The following GOLPH3 variants were observed in gnomAD, a reference collection of about 807,000 sequenced individuals.
GOLPH3 encodes coat protein GPP34.
GOLPH3 carries 14 observed loss-of-function variants against 28.5 expected under a neutral mutation model. That is an observed-to-expected ratio of 0.49 (90% CI 0.32 to 0.77). The LOEUF (loss-of-function observed/expected upper bound fraction) is 0.77, where lower values mean the gene tolerates loss of function less well. Among genes scored for constraint, GOLPH3 ranks in the 30% least tolerant of loss-of-function variants. The pLI is 0.03. For missense variants in GOLPH3, 350 were observed against 393.7 expected (o/e 0.89, Z 0.94); for synonymous variants, 158 against 159.2 (o/e 0.99, Z 0.06).
rs1476324722 is a variant in GOLPH3, at chr5:32,151,397, A to G, written c.226-7517T>C. Among the ~76,000 whole-genome samples the G allele has an allele frequency of 2.6e-5, 4 of 152,290 alleles. No homozygotes were observed. The South Asian group carries it at 8.3e-4, about 32-fold the overall frequency. On this transcript the variant is annotated intron_variant, in intron 1 of 3. Transcript: ENST00000265070. Reference sequence around the variant, plus strand: ...TAAAATTAGCTGGGTGCGATAGCACATGCCTGTAGACCTAGCTACTCGGGA... The same window carrying G: ...TAAAATTAGCTGGGTGCGATAGCACGTGCCTGTAGACCTAGCTACTCGGGA...
chr5:32,140,655 C>T (rs897605647), intron 2 of GOLPH3, among the ~76,000 whole-genome samples: 3 of 146,894 alleles, frequency 2.0e-5, no homozygotes, highest in African/African-American at 7.8e-5. Context: ...TAGAGTGACA[C>T]TCAGTCTCAG....
intron 1 of GOLPH3, among the ~76,000 whole-genome samples, chr5:32,170,857 C>T (rs761134275): frequency 6.6e-6 from 1 of 151,874 alleles, no homozygotes; most frequent in Non-Finnish European, 1.5e-5. Flanking sequence ...TACAAAATCC[C>T]AGTAGTCTCA....
At chr5:32,134,488 A>G (rs1175461770) in intron 3 of GOLPH3, among the ~76,000 whole-genome samples, 1 of 151,560 alleles carries the variant, frequency 6.6e-6, no homozygotes, top group Non-Finnish European at 1.5e-5. Context: ...GGATTACAGT[A>G]ATGAGCCACC....
Position 32,151,431 on chromosome 5 carries a change from G to A in GOLPH3, c.226-7551C>T, listed in dbSNP as rs555243948. Among the ~76,000 whole-genome samples, 5 of 152,262 alleles carry A rather than the reference G, an allele frequency of 3.3e-5. No homozygotes were observed. The South Asian group carries it at 6.2e-4, about 19-fold the overall frequency. On this transcript the variant is annotated intron_variant, in intron 1 of 3. Transcript: ENST00000265070. ...GACCTAGCTACTCGGGAGGACTTGA[G>A]CCTGGGAGGTTGAGGCTGCAATGAG...
chr5:32,152,643 G>A (rs1163217109), intron 1 of GOLPH3, among the ~76,000 whole-genome samples: 10 of 151,164 alleles, frequency 6.6e-5, no homozygotes, highest in African/African-American at 9.7e-5. Flanking sequence ...TTAGCTGGGC[G>A]TGGTTGCATG....
intron 1 of GOLPH3, among the ~76,000 whole-genome samples, chr5:32,152,804 CAAAA>C (rs371434993): frequency 2.1e-5 from 3 of 143,118 alleles, no homozygotes; most frequent in Non-Finnish European, 4.6e-5. Context: ...AAAACAAAAA[CAAAA>C]AAAAAACCCA....
chr5:32,132,180 C>T (rs1255950571), intron 3 of GOLPH3, among the ~76,000 whole-genome samples: 2 of 152,036 alleles, frequency 1.3e-5, no homozygotes, highest in African/African-American at 2.4e-5. Context: ...AAACAAAATA[C>T]GTAGTCTCTC....
At chr5:32,150,908 G>C (rs1303811989) in intron 1 of GOLPH3, among the ~76,000 whole-genome samples, 1 of 152,128 alleles carries the variant, frequency 6.6e-6, no homozygotes, top group African/African-American at 2.4e-5. Context: ...CAAACGTGTT[G>C]GGACAACCAG....
At chr5:32,132,141 G>A (rs897886951) in intron 3 of GOLPH3, among the ~76,000 whole-genome samples, 9 of 152,270 alleles carry the variant, frequency 5.9e-5, no homozygotes, top group African/African-American at 1.7e-4. Flanking sequence ...GGGTGATGGC[G>A]AGACTTTGTC....
chr5:32,153,571 T>A (rs1746357151), intron 1 of GOLPH3, among the ~76,000 whole-genome samples: 1 of 152,178 alleles, frequency 6.6e-6, no homozygotes, highest in African/African-American at 2.4e-5. Context: ...CAAACTCAAG[T>A]CAATTAGTAG....
intron 1 of GOLPH3, among the ~76,000 whole-genome samples, chr5:32,159,181 T>C (rs553594114): frequency 1.3e-5 from 2 of 152,328 alleles, no homozygotes; most frequent in South Asian, 2.1e-4. Context: ...AGGGTACAGG[T>C]TGAGTATCCC....
At chr5:32,128,872 G>A (rs924282277) in intron 3 of GOLPH3, among the ~76,000 whole-genome samples, 6 of 151,822 alleles carry the variant, frequency 4.0e-5, no homozygotes, top group African/African-American at 1.2e-4. Context: ...GGTAAGGGGG[G>A]AGTCAACAGA....
intron 3 of GOLPH3, among the ~76,000 whole-genome samples, chr5:32,129,903 GT>G (rs1298079902): frequency 6.6e-6 from 1 of 151,836 alleles, no homozygotes; most frequent in African/African-American, 2.4e-5. Flanking sequence ...GTGCGGTGGT[GT>G]GATCAGGGCT....
At chr5:32,147,867 T>C (rs545878349) in intron 1 of GOLPH3, among the ~76,000 whole-genome samples, 1 of 152,280 alleles carries the variant, frequency 6.6e-6, no homozygotes, top group South Asian at 2.1e-4. Flanking sequence ...CACCTGGCGA[T>C]TCAAATCAAC....
intron 1 of GOLPH3, among the ~76,000 whole-genome samples, chr5:32,169,428 G>A (rs1377759385): frequency 6.6e-6 from 1 of 152,160 alleles, no homozygotes; most frequent in Admixed American, 6.5e-5. Context: ...AAACACTGAA[G>A]CTCAGAAGGC....
intron 3 of GOLPH3, among the ~76,000 whole-genome samples, chr5:32,130,692 C>A: frequency 6.6e-6 from 1 of 152,116 alleles, no homozygotes; most frequent in East Asian, 1.9e-4. Context: ...GCTTTCCACT[C>A]CCCACCCAAA....
intron 1 of GOLPH3, among the ~76,000 whole-genome samples, chr5:32,153,514 T>C (rs1039457151): frequency 7.9e-5 from 12 of 151,866 alleles, no homozygotes; most frequent in Admixed American, 2.6e-4. Context: ...GAATACAGTA[T>C]TTTGACTGCA....
chr5:32,162,951 G>A lies in GOLPH3; in HGVS notation c.225+10859C>T, dbSNP rs866385666. On this transcript the variant is annotated intron_variant, in intron 1 of 3. Coordinates refer to ENST00000265070, the MANE Select transcript of GOLPH3 (RefSeq NM_022130.4). Reference sequence around the variant, plus strand: ...AAATTAGCCGGGTGTGGTGGCAGGCGCCTGTAGTCCCAGCTACTCGGGAGG... The same window carrying A: ...AAATTAGCCGGGTGTGGTGGCAGGCACCTGTAGTCCCAGCTACTCGGGAGG... Among the ~76,000 whole-genome samples the A allele has an allele frequency of 5.9e-5, 9 of 152,260 alleles. No individual in the cohort carries two copies. In the South Asian group the frequency reaches 1.5e-3, roughly 25 times the overall value.
chr5:32,138,509 T>C (rs902236594), intron 2 of GOLPH3, among the ~76,000 whole-genome samples: 6 of 152,262 alleles, frequency 3.9e-5, no homozygotes, highest in Non-Finnish European at 8.8e-5. Flanking sequence ...TAGCATTAGG[T>C]ATATCTCCTA....
Sources: gnomAD v4.1 joint callset for allele counts (sites outside exome capture counted in the v4.1 genomes callset) on GRCh38, gnomAD v4.1.1 for gene constraint, MANE v1.5 for transcripts, NCBI Gene and HGNC (gene_info 2026-07-23, HGNC 2026-07-21) for gene names.